The following PDE1C variants were observed in gnomAD, a reference collection of about 807,000 sequenced individuals.
PDE1C encodes dual specificity calcium/calmodulin-dependent 3',5'-cyclic nucleotide phosphodiesterase 1C.
In PDE1C, 62 loss-of-function variants were observed where a neutral mutation model predicts 93.1. The observed-to-expected ratio is 0.67, with a 90% CI of 0.54 to 0.82. The LOEUF (loss-of-function observed/expected upper bound fraction) is 0.82, where lower values mean the gene tolerates loss of function less well. Ranked by LOEUF, PDE1C falls within the 40% of genes least tolerant of loss-of-function variation. The probability of loss-of-function intolerance (pLI) is 0.00; values close to 1 mark genes in which losing one functional copy is unlikely to be tolerated. For missense variants in PDE1C, 742 were observed against 884.6 expected, an observed-to-expected ratio of 0.84 and a Z score of 2.04; for synonymous variants, 325 against 310.1, an observed-to-expected ratio of 1.05 and a Z score of -0.50.
intron 2 of PDE1C, among the ~76,000 whole-genome samples, chr7:31,919,772 A>T (rs1425232426): frequency 1.3e-5 from 2 of 152,218 alleles, no homozygotes; most frequent in African/African-American, 2.4e-5. Flanking sequence ...GGGAAAATCC[A>T]GTCCACCTGT....
intron 1 of PDE1C, among the ~76,000 whole-genome samples, chr7:32,221,766 A>G (rs1806884786): frequency 6.6e-6 from 1 of 152,192 alleles, no homozygotes; most frequent in African/African-American, 2.4e-5. Flanking sequence ...AACTGTTAAC[A>G]TCACGACTTT....
chr7:32,014,392 A>G (rs1787589547), intron 2 of PDE1C, among the ~76,000 whole-genome samples: 1 of 152,192 alleles, frequency 6.6e-6, no homozygotes, highest in Admixed American at 6.5e-5. Flanking sequence ...ACGCCCACAA[A>G]TCTAGTTTGT....
At chr7:31,978,055 A>G (rs1391213078) in intron 2 of PDE1C, among the ~76,000 whole-genome samples, 1 of 152,188 alleles carries the variant, frequency 6.6e-6, no homozygotes, top group African/African-American at 2.4e-5. Flanking sequence ...GAGGCTACCA[A>G]GCTGATCATT....
intron 3 of PDE1C, among the ~76,000 whole-genome samples, chr7:32,150,057 G>A (rs1272629840): frequency 1.3e-5 from 2 of 152,166 alleles, no homozygotes; most frequent in Non-Finnish European, 2.9e-5. Flanking sequence ...GAAGGATGTG[G>A]CAAATATTCA....
At chr7:32,395,756 G>T (rs1784830343) in intron 1 of PDE1C, among the ~76,000 whole-genome samples, 1 of 152,162 alleles carries the variant, frequency 6.6e-6, no homozygotes, top group South Asian at 2.1e-4. Context: ...ACGAGTAGCA[G>T]ACAGAGATAT....
intron 2 of PDE1C, among the ~76,000 whole-genome samples, chr7:32,020,773 G>A (rs1020933759): frequency 6.6e-6 from 1 of 152,054 alleles, no homozygotes; most frequent in East Asian, 1.9e-4. Context: ...ATTTTACTCT[G>A]GGGAGCAAAT....
At chr7:32,018,206 T>C (rs1346364388) in intron 2 of PDE1C, among the ~76,000 whole-genome samples, 5 of 151,944 alleles carry the variant, frequency 3.3e-5, no homozygotes, top group Admixed American at 2.6e-4. Flanking sequence ...TCATACACTA[T>C]TGATGGGAAT....
intron 1 of PDE1C, among the ~76,000 whole-genome samples, chr7:32,315,117 CA>C (rs1205403002): frequency 6.6e-6 from 1 of 150,526 alleles, no homozygotes; most frequent in African/African-American, 2.5e-5. Flanking sequence ...AAAGAGCAAA[CA>C]CAAAGTAGGA....
In PDE1C at chr7:31,840,702, T is replaced by A. The variant is rs570872666; in HGVS notation, c.981-2731A>T. Among the ~76,000 whole-genome samples, 24 of 152,288 alleles carry A rather than the reference T, an allele frequency of 1.6e-4. No homozygotes were observed. In the South Asian group the frequency reaches 5.0e-3, roughly 32 times the overall value. On this transcript the variant is annotated intron_variant, in intron 9 of 17. Coordinates refer to ENST00000396191, the MANE Select transcript of PDE1C (RefSeq NM_001191057.4). ...TGTTGAAAATATTTTCTTTTCCCCA[T>A]TGAATTAATTTGGCATCATAAATCA...
intron 2 of PDE1C, among the ~76,000 whole-genome samples, chr7:32,171,271 GA>G (rs1802631094): frequency 1.3e-5 from 2 of 151,988 alleles, no homozygotes; most frequent in South Asian, 4.1e-4. Flanking sequence ...GAAAACATTA[GA>G]TAAACCACTT....
intron 2 of PDE1C, among the ~76,000 whole-genome samples, chr7:32,201,471 A>G (rs955138090): frequency 6.6e-6 from 1 of 152,208 alleles, no homozygotes; most frequent in Non-Finnish European, 1.5e-5. Flanking sequence ...CAATAGGGGT[A>G]CAGCATTCCC....
intron 2 of PDE1C, among the ~76,000 whole-genome samples, chr7:32,179,288 C>CTCACTCTG (rs1803224128): frequency 7.7e-6 from 1 of 129,350 alleles, no homozygotes; most frequent in African/African-American, 2.9e-5. Context: ...TTTTTGGAGT[C>CTCACTCTG]TCACTCTGTC....
At chr7:31,718,180 C>T in the PDE1C span, among the ~76,000 whole-genome samples, 1 of 152,098 alleles carries the variant, frequency 6.6e-6, no homozygotes, top group Non-Finnish European at 1.5e-5. Context: ...ATGGTGGGAC[C>T]ATAGGAGTCC....
intron 1 of PDE1C, among the ~76,000 whole-genome samples, chr7:32,291,980 T>C (rs935355622): frequency 6.6e-6 from 1 of 152,204 alleles, no homozygotes; most frequent in Non-Finnish European, 1.5e-5. Flanking sequence ...TCTGTGCTTT[T>C]CTCCTCTGTG....
intron 8 of PDE1C, 117 bp from the exon 9 acceptor site, chr7:31,848,213 C>A: frequency 1.0e-6 from 1 of 991,126 alleles, no homozygotes. Context: ...ATCTTTGTCC[C>A]CATGCCAGTT....
At chr7:31,766,511 A>AT (rs1795158098) in intron 17 of PDE1C, among the ~76,000 whole-genome samples, 1 of 152,202 alleles carries the variant, frequency 6.6e-6, no homozygotes, top group Admixed American at 6.5e-5. Context: ...TTGCTTAAAC[A>AT]TTTTTTGAAA....
At chr7:32,237,266 T>G (rs147091541) in intron 1 of PDE1C, among the ~76,000 whole-genome samples, 4,467 of 147,980 alleles carry the variant, frequency 0.03, 137 homozygotes, top group African/African-American at 0.074. Flanking sequence ...TTTTTGTATT[T>G]TTAATAGAGA....
chr7:32,374,312 A>AAG (rs1413662573), intron 1 of PDE1C, among the ~76,000 whole-genome samples: 1 of 147,854 alleles, frequency 6.8e-6, no homozygotes, highest in East Asian at 2.0e-4. Context: ...AGAAAGAAGA[A>AAG]AAGAAAAGAA....
the PDE1C span, among the ~76,000 whole-genome samples, chr7:31,648,365 C>T: frequency 2.0e-5 from 3 of 152,210 alleles, no homozygotes; most frequent in South Asian, 2.1e-4. Context: ...ATGTTCAAAA[C>T]ACTCTATTTT....
Sources: allele counts gnomAD v4.1 joint callset (sites outside exome capture counted in the v4.1 genomes callset), GRCh38; gene constraint gnomAD v4.1.1; transcripts MANE v1.5; gene names NCBI Gene and HGNC (gene_info 2026-07-23, HGNC 2026-07-21).